DRP2: variants seen among roughly 807,000 people sequenced by gnomAD.
DRP2 encodes the protein dystrophin related protein 2.
DRP2 carries 29 observed loss-of-function variants against 78.2 expected under a neutral mutation model. The ratio of observed to expected loss-of-function variants is 0.37; its 90% CI spans 0.28 to 0.51. DRP2 has a LOEUF of 0.51. Ranked by LOEUF, DRP2 falls within the 20% of genes least tolerant of loss-of-function variation. The probability of loss-of-function intolerance (pLI) is 0.94; values close to 1 mark genes in which losing one functional copy is unlikely to be tolerated. For missense variants in DRP2, 686 were observed against 770.6 expected (o/e 0.89, Z 1.30); for synonymous variants, 290 against 281.9 (o/e 1.03, Z -0.29).
intron 6 of DRP2, among the ~76,000 whole-genome samples, chrX:101,241,412 CT>C (rs1922719183): frequency 9.0e-6 from 1 of 111,385 alleles, no homozygotes; most frequent in South Asian, 3.8e-4. Context: ...CATGAAATCT[CT>C]GTGTTATTAC....
rs1342584931 is a variant in DRP2, at chrX:101,260,826, G to T, written c.*205G>T. The T allele has an allele frequency of 4.8e-6, 2 of 416,128 alleles. No individual in the cohort carries two copies. The highest frequency in any genetic ancestry group is 4.2e-5 in the East Asian group (1 of 24,032). The allele number at this position is 416,128 out of a possible 1,213,427, so 34.3% of individuals were successfully genotyped here. On this transcript the variant is annotated 3_prime_UTR_variant, in exon 24 of 24. Coordinates refer to ENST00000395209, the MANE Select transcript of DRP2 (RefSeq NM_001939.3). ...GGAGAAGGGGAGGCATGATTCTTCT[G>T]ACCCTAGAAATGTTCCCTTTAATCT...
chrX:101,239,924 T>C (rs1209220843), intron 6 of DRP2, among the ~76,000 whole-genome samples: 1 of 110,644 alleles, frequency 9.0e-6, no homozygotes, highest in Non-Finnish European at 1.9e-5. Flanking sequence ...GTGCCTGTAG[T>C]CCCAGCTACT....
At chrX:101,233,022 G>T (rs1035639780) in intron 3 of DRP2, among the ~76,000 whole-genome samples, 4 of 112,419 alleles carry the variant, frequency 3.6e-5, no homozygotes, top group African/African-American at 1.3e-4. Context: ...GGTGCAAGAA[G>T]CAAATATCCT....
At chrX:101,220,842 C>T (rs955791383) in intron 1 of DRP2, among the ~76,000 whole-genome samples, 1 of 111,569 alleles carries the variant, frequency 9.0e-6, no homozygotes, top group Non-Finnish European at 1.9e-5. Context: ...CCTTTCTACA[C>T]CCTGTAATCA....
At chrX:101,241,410 C>A (rs7882488) in intron 6 of DRP2, among the ~76,000 whole-genome samples, 4,093 of 111,326 alleles carry the variant, frequency 0.037, 240 homozygotes, top group African/African-American at 0.13. Flanking sequence ...TACATGAAAT[C>A]TCTGTGTTAT....
At chrX:101,244,102 C>T (rs975295754) in intron 9 of DRP2, among the ~76,000 whole-genome samples, 3 of 111,257 alleles carry the variant, frequency 2.7e-5, no homozygotes, top group Non-Finnish European at 5.7e-5. Context: ...GGAGAACCAT[C>T]GGCAGGGTTT....
At chrX:101,231,895 G>T in intron 3 of DRP2, 131 bp downstream of exon 3, 1 of 498,435 alleles carries the variant, frequency 2.0e-6, no homozygotes, top group South Asian at 3.3e-5. Flanking sequence ...GATAGCATGG[G>T]GAATATATTG....
At chrX:101,230,109 T>A (rs748625530) in intron 2 of DRP2, among the ~76,000 whole-genome samples, 1 of 112,390 alleles carries the variant, frequency 8.9e-6, no homozygotes, top group East Asian at 2.8e-4. Flanking sequence ...CTCTCCAATG[T>A]ACCTCAGAGT....
intron 2 of DRP2, among the ~76,000 whole-genome samples, chrX:101,225,438 C>T (rs1016824171): frequency 2.8e-4 from 31 of 111,410 alleles, no homozygotes; most frequent in Non-Finnish European, 5.1e-4. Context: ...CAGCTCTTCA[C>T]GATGTATTCA....
In DRP2 at chrX:101,262,345, C is replaced by G. The variant is rs1034240008; in HGVS notation, c.*1724C>G. ...AAATGGTTCAGGTGCCAAAATAGAG[C>G]AAACCCAAGCTCTGCCCACCCCATG... On this transcript the variant is annotated 3_prime_UTR_variant, in exon 24 of 24. Transcript: ENST00000395209. 2 of 111,516 alleles carry G rather than the reference C, an allele frequency of 1.8e-5. No individual in the cohort carries two copies. The highest frequency in any genetic ancestry group is 1.9e-4 in the Admixed American group (2 of 10,480). The allele number at this position is 111,516 out of a possible 1,213,427, so 9.2% of individuals were successfully genotyped here. A position where few individuals can be genotyped will look rare whatever the true frequency, so the allele number is the denominator to read the frequency against.
intron 5 of DRP2, 112 bp downstream of exon 5, chrX:101,237,887 G>A: frequency 1.3e-6 from 1 of 779,565 alleles, no homozygotes; most frequent in Non-Finnish European, 1.7e-6. Context: ...ATGAATAGGA[G>A]GCTGTATGCA....
intron 12 of DRP2, 109 bp from the exon 13 acceptor site, chrX:101,247,980 C>A (rs56032553): frequency 0.016 from 10,602 of 675,753 alleles, 65 homozygotes; most frequent in Middle Eastern, 0.052. Context: ...AATGGTTGAT[C>A]TGGAGATTGA....
At chrX:101,241,216 C>T (rs991050144) in intron 6 of DRP2, among the ~76,000 whole-genome samples, 3 of 112,138 alleles carry the variant, frequency 2.7e-5, no homozygotes, top group South Asian at 3.7e-4. Flanking sequence ...TATAAACCAA[C>T]GCATGTGATA....
In DRP2 at chrX:101,225,678, G is replaced by A. The variant is rs1417127557; in HGVS notation, c.-64+972G>A. On this transcript the variant is annotated intron_variant, in intron 2 of 23. Coordinates refer to ENST00000395209, the MANE Select transcript of DRP2 (RefSeq NM_001939.3). Reference sequence around the variant, plus strand: ...CCATAAAATAGTTGTTGACCTCCTTGTATTTTGGTGGGGAGCGGAGAGGGG... The same window carrying A: ...CCATAAAATAGTTGTTGACCTCCTTATATTTTGGTGGGGAGCGGAGAGGGG... Among the ~76,000 whole-genome samples, 3 of 111,480 alleles carry A rather than the reference G, an allele frequency of 2.7e-5. No homozygotes were observed. The Admixed American group carries it at 2.9e-4, about 11-fold the overall frequency.
chrX:101,240,246 C>T (rs1238190767), intron 6 of DRP2, among the ~76,000 whole-genome samples: 1 of 111,425 alleles, frequency 9.0e-6, no homozygotes, highest in African/African-American at 3.3e-5. Context: ...GTTTTTGAGA[C>T]AGCCTCTCAC....
intron 1 of DRP2, among the ~76,000 whole-genome samples, chrX:101,220,408 TAAAG>T (rs1481947256): frequency 2.0e-5 from 2 of 98,300 alleles, no homozygotes; most frequent in Non-Finnish European, 4.1e-5. Context: ...TTTAGATTCA[TAAAG>T]AAAAAAAAAA....
chrX:101,246,115 A>G (rs1922924220), intron 11 of DRP2, among the ~76,000 whole-genome samples: 1 of 112,207 alleles, frequency 8.9e-6, no homozygotes, highest in Non-Finnish European at 1.9e-5. Context: ...ATAGAAGAGA[A>G]TCGCAGTCAA....
chrX:101,252,760 G>A, intron 17 of DRP2, 44 bp downstream of exon 17: 1 of 1,060,252 alleles, frequency 9.4e-7, no homozygotes, highest in Non-Finnish European at 1.3e-6. Context: ...GCAGCTCTCA[G>A]GTACTAGGCC....
chrX:101,260,443 G>A (rs933173246), intron 23 of DRP2, 54 bp from the exon 24 acceptor site: 23 of 1,176,887 alleles, frequency 2.0e-5, no homozygotes, highest in Non-Finnish European at 2.6e-5. Context: ...CTGACCCCTT[G>A]GCCTCATAAA....
Sources: allele counts gnomAD v4.1 joint callset (sites outside exome capture counted in the v4.1 genomes callset), GRCh38; gene constraint gnomAD v4.1.1; transcripts MANE v1.5; gene names NCBI Gene and HGNC (gene_info 2026-07-23, HGNC 2026-07-21).